The following COL22A1 variants were observed in gnomAD, a reference collection of about 807,000 sequenced individuals.
COL22A1 encodes collagen type XXII alpha 1 chain, also known as collagen alpha-1(XXII) chain.
COL22A1 carries 221 observed loss-of-function variants against 248.9 expected under a neutral mutation model. The observed-to-expected ratio is 0.89, with a 90% confidence interval of 0.80 to 0.99. COL22A1 has a LOEUF of 0.99. COL22A1 is among the 50% of genes least tolerant of loss of function. The pLI, the probability that COL22A1 is intolerant of heterozygous loss-of-function variation, is 0.00. For missense variants in COL22A1, 2,240 were observed against 2,179.0 expected, an observed-to-expected ratio of 1.03 and a Z score of -0.56; for synonymous variants, 891 against 793.4, an observed-to-expected ratio of 1.12 and a Z score of -2.07.
intron 23 of COL22A1, among the ~76,000 whole-genome samples, chr8:138,732,456 C>G (rs941391402): frequency 1.3e-5 from 2 of 152,212 alleles, no homozygotes; most frequent in Non-Finnish European, 2.9e-5. Context: ...CAATGGACTT[C>G]TCTCAGAGCC....
chr8:138,845,988 G>A (rs140475992), intron 3 of COL22A1, among the ~76,000 whole-genome samples: 36 of 152,276 alleles, frequency 2.4e-4, no homozygotes, highest in African/African-American at 8.7e-4. Flanking sequence ...GGGTATAAGT[G>A]TCTCAGTGCA....
chr8:138,697,943 T>C (rs1827644898), intron 32 of COL22A1, among the ~76,000 whole-genome samples: 2 of 152,246 alleles, frequency 1.3e-5, no homozygotes, highest in Admixed American at 1.3e-4. Flanking sequence ...AGTGGCTTCC[T>C]GGCTCCCAGG....
At position 138,778,352 on chromosome 8, in the gene COL22A1, C is replaced by T. The variant is rs1215972406; in HGVS notation, c.1758+1G>A. 1 of 1,613,834 alleles carries T rather than the reference C, an allele frequency of 6.2e-7. No individual in the cohort carries two copies. The highest frequency in any genetic ancestry group is 1.3e-5 in the African/African-American group (1 of 74,938). On this transcript the variant is annotated splice_donor_variant, in intron 15 of 64. Coordinates refer to ENST00000303045, the MANE Select transcript of COL22A1 (RefSeq NM_152888.3). LOFTEE classifies it high-confidence loss of function. ...CTGCCCAGACAAGTGCCTTCACTTA[C>T]AGGAGCTCCGACACGTCCAGGAGGT...
intron 2 of COL22A1, among the ~76,000 whole-genome samples, chr8:138,879,860 A>AACAAAACAAAACAAC (rs746826161): frequency 6.7e-6 from 1 of 150,304 alleles, no homozygotes; most frequent in Non-Finnish European, 1.5e-5. Context: ...AACAAAACAA[A>AACAAAACAAAACAAC]AAAACACTTT....
At chr8:138,892,452 C>A (rs559965850) in intron 1 of COL22A1, among the ~76,000 whole-genome samples, 1 of 152,202 alleles carries the variant, frequency 6.6e-6, no homozygotes, top group Non-Finnish European at 1.5e-5. Context: ...GTTCACCAAA[C>A]GTGAGGTTTC....
chr8:138,598,466 C>A (rs1817725146), intron 61 of COL22A1, among the ~76,000 whole-genome samples: 1 of 152,196 alleles, frequency 6.6e-6, no homozygotes, highest in Non-Finnish European at 1.5e-5. Context: ...AGAAGAGGGA[C>A]TATTTTTGAG....
chr8:138,772,157 T>C (rs191042170), intron 16 of COL22A1, among the ~76,000 whole-genome samples: 1 of 152,164 alleles, frequency 6.6e-6, no homozygotes, highest in African/African-American at 2.4e-5. Flanking sequence ...GGGAAGGCCG[T>C]CTGCACGCTG....
chr8:138,798,606 G>A (rs1368883139), intron 11 of COL22A1, among the ~76,000 whole-genome samples: 1 of 151,752 alleles, frequency 6.6e-6, no homozygotes, highest in Non-Finnish European at 1.5e-5. Flanking sequence ...CGTATTACAT[G>A]CGTGTTTGTT....
chr8:138,725,290 TA>T, intron 24 of COL22A1, 96 bp downstream of exon 24: 2 of 1,270,308 alleles, frequency 1.6e-6, no homozygotes, highest in Non-Finnish European at 2.3e-6. Flanking sequence ...CTTGGGTGGA[TA>T]AAAGACAAGA....
At chr8:138,709,713 C>T (rs62527952) in intron 30 of COL22A1, among the ~76,000 whole-genome samples, 13 of 152,028 alleles carry the variant, frequency 8.6e-5, no homozygotes, top group Non-Finnish European at 1.9e-4. Flanking sequence ...TGGCAGCACA[C>T]CAACATGGCA....
At chr8:138,854,255 T>A (rs1162311997) in intron 3 of COL22A1, among the ~76,000 whole-genome samples, 1 of 152,176 alleles carries the variant, frequency 6.6e-6, no homozygotes, top group Non-Finnish European at 1.5e-5. Flanking sequence ...ACATCCTGGG[T>A]GTCCACCATC....
At chr8:138,794,386 CAAAA>C (rs753489322) in intron 12 of COL22A1, among the ~76,000 whole-genome samples, 1 of 128,638 alleles carries the variant, frequency 7.8e-6, no homozygotes. Flanking sequence ...ACTCCATCTC[CAAAA>C]AAAAAAAAAA....
chr8:138,849,747 G>A (rs1268186234), intron 3 of COL22A1, among the ~76,000 whole-genome samples: 3 of 152,078 alleles, frequency 2.0e-5, no homozygotes, highest in African/African-American at 4.8e-5. Context: ...CTTATGCAAC[G>A]GGAAGCCAAG....
chr8:138,790,313 C>T (rs1815916973), intron 12 of COL22A1, among the ~76,000 whole-genome samples: 1 of 152,160 alleles, frequency 6.6e-6, no homozygotes, highest in African/African-American at 2.4e-5. Flanking sequence ...TTCATAAAGG[C>T]TCCACCCTCA....
chr8:138,661,443 A>G lies in COL22A1; in HGVS notation c.3240+587T>C, dbSNP rs555794390. On this transcript the variant is annotated intron_variant, in intron 43 of 64. Coordinates refer to ENST00000303045, the MANE Select transcript of COL22A1 (RefSeq NM_152888.3). ...ATGGTTGTCATTTACCATTTGGTCA[A>G]TGAGTATGGATCAAGTACCTTCTAT... Among the ~76,000 whole-genome samples, 11 of 152,330 alleles carry G rather than the reference A, an allele frequency of 7.2e-5. No homozygotes were observed. In the South Asian group the frequency reaches 8.3e-4, roughly 11 times the overall value.
At chr8:138,797,734 G>A (rs1291393937) in intron 11 of COL22A1, among the ~76,000 whole-genome samples, 1 of 152,074 alleles carries the variant, frequency 6.6e-6, no homozygotes, top group African/African-American at 2.4e-5. Flanking sequence ...CACATTCCTA[G>A]TTGTTCTACC....
At chr8:138,670,905 G>A (rs938985022) in intron 41 of COL22A1, among the ~76,000 whole-genome samples, 4 of 132,428 alleles carry the variant, frequency 3.0e-5, no homozygotes, top group Non-Finnish European at 6.3e-5. Context: ...AGGCTGCAGT[G>A]AGCCATGATC....
intron 11 of COL22A1, among the ~76,000 whole-genome samples, chr8:138,800,930 C>A (rs1291299588): frequency 6.6e-6 from 1 of 152,190 alleles, no homozygotes; most frequent in African/African-American, 2.4e-5. Context: ...GTATGAGTTA[C>A]CACTCTTCTC....
intron 32 of COL22A1, 60 bp downstream of exon 32, chr8:138,700,052 C>A: frequency 6.5e-7 from 1 of 1,542,068 alleles, no homozygotes; most frequent in Non-Finnish European, 8.9e-7. Context: ...CCAGGCCACA[C>A]TGGACATTGC....
Sources: gnomAD v4.1 joint callset for allele counts (sites outside exome capture counted in the v4.1 genomes callset) on GRCh38, gnomAD v4.1.1 for gene constraint, MANE v1.5 for transcripts, NCBI Gene and HGNC (gene_info 2026-07-23, HGNC 2026-07-21) for gene names.